Variants in NALCN observed in about 807,000 individuals in gnomAD.
The protein encoded by NALCN is sodium leak channel NALCN.
Under a neutral mutation model 225.3 loss-of-function variants are expected in NALCN, and 111 were observed. That is an observed-to-expected ratio of 0.49 (90% confidence interval 0.42 to 0.58). The LOEUF (loss-of-function observed/expected upper bound fraction) is 0.58. NALCN is among the 20% of genes least tolerant of loss of function. The pLI, the probability that NALCN is intolerant of heterozygous loss-of-function variation, is 0.00. For missense variants in NALCN, 1,378 were observed against 2,202.4 expected, an observed-to-expected ratio of 0.63 and a Z score of 7.49; for synonymous variants, 764 against 769.0, an observed-to-expected ratio of 0.99 and a Z score of 0.11.
At chr13:101,143,616 CA>C (rs1469701822) in intron 16 of NALCN, among the ~76,000 whole-genome samples, 3 of 152,108 alleles carry the variant, frequency 2.0e-5, no homozygotes, top group Admixed American at 2.0e-4. Flanking sequence ...AGGCATGCGC[CA>C]CCACGCCCAG....
At chr13:101,136,580 T>C (rs1374204040) in intron 17 of NALCN, among the ~76,000 whole-genome samples, 2 of 152,158 alleles carry the variant, frequency 1.3e-5, no homozygotes, top group Non-Finnish European at 2.9e-5. Context: ...TTGTGATAGT[T>C]TGCTGAGAAT....
chr13:101,121,673 CCCAT>C (rs2035980267), intron 18 of NALCN, among the ~76,000 whole-genome samples: 1 of 152,120 alleles, frequency 6.6e-6, no homozygotes, highest in African/African-American at 2.4e-5. Context: ...TCAAGATAGA[CCCAT>C]CTATTAAAAG....
At chr13:101,123,886 G>A (rs559666054) in intron 18 of NALCN, among the ~76,000 whole-genome samples, 11 of 152,270 alleles carry the variant, frequency 7.2e-5, no homozygotes, top group Non-Finnish European at 1.6e-4. Context: ...ATCACTCACC[G>A]CAGGTTTGCA....
Position 101,111,944 on chromosome 13 carries a change from C to T in NALCN, c.2193-718G>A, listed in dbSNP as rs556551235. The stretch of plus-strand genomic sequence containing the variant: ...TCGGTTTTGAATTTAAACAAGGTTT[C>T]TAATAAACCCCCTTTGGGAAGGATT... On this transcript the variant is annotated intron_variant, in intron 18 of 43. Transcript: ENST00000251127. Among the ~76,000 whole-genome samples, 13 of 152,264 alleles carry T rather than the reference C, an allele frequency of 8.5e-5. No homozygotes were observed. In the East Asian group the frequency reaches 2.1e-3, roughly 25 times the overall value.
intron 11 of NALCN, among the ~76,000 whole-genome samples, chr13:101,246,461 G>A (rs1159526066): frequency 6.6e-6 from 1 of 152,130 alleles, no homozygotes; most frequent in Non-Finnish European, 1.5e-5. Context: ...ACAACAAAAA[G>A]TGATTACTGA....
intron 15 of NALCN, among the ~76,000 whole-genome samples, chr13:101,173,002 T>C (rs1353080641): frequency 1.3e-5 from 2 of 152,250 alleles, no homozygotes; most frequent in Non-Finnish European, 2.9e-5. Context: ...AATGCTGCTA[T>C]GCTGCAAGCC....
At chr13:101,208,636 T>C (rs34663443) in intron 13 of NALCN, among the ~76,000 whole-genome samples, 38,348 of 152,182 alleles carry the variant, frequency 0.25, 5,058 homozygotes, top group East Asian at 0.37. Context: ...AGGTGGGGCC[T>C]GCTGGGAGGT....
chr13:101,084,461 C>G (rs146241705), intron 30 of NALCN, among the ~76,000 whole-genome samples: 1 of 152,274 alleles, frequency 6.6e-6, no homozygotes, highest in African/African-American at 2.4e-5. Flanking sequence ...CTCTCCCTTT[C>G]CTTACCCAGA....
At chr13:101,083,665 T>C (rs770032029) in intron 31 of NALCN, 46 bp downstream of exon 31, 1 of 1,568,788 alleles carries the variant, frequency 6.4e-7, no homozygotes, top group Non-Finnish European at 8.8e-7. Context: ...TGGGGAATCG[T>C]GCACACTAGT....
intron 41 of NALCN, among the ~76,000 whole-genome samples, 161 bp from the exon 42 acceptor site, chr13:101,060,128 A>G (rs181013801): frequency 3.3e-5 from 5 of 152,174 alleles, no homozygotes; most frequent in Non-Finnish European, 2.9e-5. Flanking sequence ...TCAATGTTCA[A>G]TTAAGGTAGG....
chr13:101,259,291 G>T (rs574652965), intron 10 of NALCN, among the ~76,000 whole-genome samples: 3 of 152,006 alleles, frequency 2.0e-5, no homozygotes, highest in Middle Eastern at 3.4e-3. Context: ...CCTACATTAA[G>T]ATAAAGATAA....
intron 16 of NALCN, 57 bp from the exon 17 acceptor site, chr13:101,143,278 A>T: frequency 6.6e-7 from 1 of 1,511,048 alleles, no homozygotes; most frequent in Non-Finnish European, 8.9e-7. Context: ...AGCAAGTGAC[A>T]GCATTTTGCA....
At chr13:101,126,061 T>G (rs575519845) in intron 17 of NALCN, among the ~76,000 whole-genome samples, 2 of 152,324 alleles carry the variant, frequency 1.3e-5, no homozygotes, top group South Asian at 4.1e-4. Context: ...CACCCCATTC[T>G]ACAAACAAAG....
intron 30 of NALCN, among the ~76,000 whole-genome samples, chr13:101,084,787 A>G (rs2033849562): frequency 1.3e-5 from 2 of 152,200 alleles, no homozygotes; most frequent in South Asian, 4.1e-4. Context: ...CTCACAGTAA[A>G]TATCTATGAG....
chr13:101,186,814 C>G (rs1015764284), intron 14 of NALCN, among the ~76,000 whole-genome samples: 12 of 151,980 alleles, frequency 7.9e-5, no homozygotes, highest in African/African-American at 2.7e-4. Context: ...TATGCTATAT[C>G]TAACTAGTAA....
Position 101,379,200 on chromosome 13 carries a change from A to G in NALCN, c.292-547T>C, listed in dbSNP as rs113494792. 1.9e-3 allele frequency among the ~76,000 whole-genome samples: 283 copies of G among 152,326 alleles called. 4 individuals carry two copies. The highest frequency in any genetic ancestry group is 5.9e-3 in the African/African-American group (246 of 41,568). ...TCACGCCAGTTTAATGGTGATCATT[A>G]AAAAGTCAGGAAACAACAGATGCTG... is the stretch of plus-strand genomic sequence containing the variant. On this transcript the variant is annotated intron_variant, in intron 3 of 43. Coordinates refer to ENST00000251127, the MANE Select transcript of NALCN (RefSeq NM_052867.4).
intron 15 of NALCN, among the ~76,000 whole-genome samples, chr13:101,166,693 C>G (rs1298567251): frequency 3.3e-5 from 5 of 152,168 alleles, no homozygotes; most frequent in African/African-American, 4.8e-5. Context: ...TGGCTTTTCA[C>G]TCTATTGATT....
At chr13:101,220,737 G>A (rs1231066021) in intron 13 of NALCN, among the ~76,000 whole-genome samples, 2 of 152,132 alleles carry the variant, frequency 1.3e-5, no homozygotes, top group East Asian at 3.9e-4. Flanking sequence ...TACTATTATA[G>A]CTGGAAAATA....
chr13:101,153,812 C>A (rs1594320546), intron 15 of NALCN, among the ~76,000 whole-genome samples: 1 of 152,162 alleles, frequency 6.6e-6, no homozygotes, highest in African/African-American at 2.4e-5. Flanking sequence ...AAAAGAAATA[C>A]CTTTATGTCC....
Sources: allele counts gnomAD v4.1 joint callset (sites outside exome capture counted in the v4.1 genomes callset), GRCh38; gene constraint gnomAD v4.1.1; transcripts MANE v1.5; gene names NCBI Gene and HGNC (gene_info 2026-07-23, HGNC 2026-07-21).